PCDHA3: variants seen among roughly 807,000 people sequenced by gnomAD.
The protein encoded by PCDHA3 is protocadherin alpha-3.
PCDHA3 carries 41 observed loss-of-function variants against 62.2 expected under a neutral mutation model. That is an observed-to-expected ratio of 0.66 (90% CI 0.51 to 0.86). The LOEUF (loss-of-function observed/expected upper bound fraction) is 0.86. Ranked by LOEUF, PCDHA3 falls within the 40% of genes least tolerant of loss-of-function variation. PCDHA3 has a pLI of 0.00. For synonymous variants in PCDHA3, 640 were observed against 555.4 expected, an observed-to-expected ratio of 1.15 and a Z score of -2.14; for missense variants, 1,304 against 1,241.2, an observed-to-expected ratio of 1.05 and a Z score of -0.76.
chr5:140,875,637 G>T, intron 1 of PCDHA3: 1 of 1,613,638 alleles, frequency 6.2e-7, no homozygotes, highest in Non-Finnish European at 8.5e-7. Flanking sequence ...TGGGGCTGGA[G>T]CTGGCGGAGC....
At chr5:140,883,021 G>A in intron 1 of PCDHA3, 1 of 1,614,136 alleles carries the variant, frequency 6.2e-7, no homozygotes, top group Non-Finnish European at 8.5e-7. Flanking sequence ...AAGTGACGGT[G>A]TTAGAGAACG....
chr5:140,870,084 C>T (rs782413178), intron 1 of PCDHA3: 1 of 1,613,864 alleles, frequency 6.2e-7, no homozygotes, highest in Non-Finnish European at 8.5e-7. Context: ...AGGGGACTCC[C>T]CCAATGGCAG....
intron 1 of PCDHA3, among the ~76,000 whole-genome samples, chr5:140,893,180 C>G (rs1388898676): frequency 6.6e-6 from 1 of 152,208 alleles, no homozygotes; most frequent in Non-Finnish European, 1.5e-5. Context: ...CACATAGTAG[C>G]TATTGTGAAT....
intron 1 of PCDHA3, chr5:140,927,671 C>T (rs2084485955): frequency 6.2e-7 from 1 of 1,614,198 alleles, no homozygotes; most frequent in Non-Finnish European, 8.5e-7. Context: ...GCCTTGGATC[C>T]AGATGAAGGG....
At chr5:140,844,894 C>G (rs2150374853) in intron 1 of PCDHA3, among the ~76,000 whole-genome samples, 6 of 149,362 alleles carry the variant, frequency 4.0e-5, no homozygotes, top group African/African-American at 1.2e-4. Context: ...GTGCATATTG[C>G]TTTGGAGAGA....
intron 1 of PCDHA3, chr5:140,969,449 AG>A (rs1470034134): frequency 2.8e-5 from 43 of 1,510,842 alleles, no homozygotes; most frequent in Non-Finnish European, 3.2e-5. Flanking sequence ...TGGTAAACTG[AG>A]TATATATAGT....
At chr5:140,884,523 A>T (rs1393275293) in intron 1 of PCDHA3, 1 of 1,614,030 alleles carries the variant, frequency 6.2e-7, no homozygotes, top group Non-Finnish European at 8.5e-7. Flanking sequence ...TCGTACTCGC[A>T]GCAGAGGCGG....
chr5:140,904,857 T>G (rs1223482596), intron 1 of PCDHA3, among the ~76,000 whole-genome samples: 1 of 152,190 alleles, frequency 6.6e-6, no homozygotes, highest in Non-Finnish European at 1.5e-5. Context: ...CTGAGAATTG[T>G]CTGTTTATGT....
chr5:140,807,682 C>A (rs782331104), intron 1 of PCDHA3: 12 of 1,614,106 alleles, frequency 7.4e-6, no homozygotes, highest in South Asian at 2.2e-5. Flanking sequence ...TCGGGGAGAA[C>A]GCCCTGCTCA....
In PCDHA3 at chr5:140,829,696, G is replaced by T. The variant is rs2150172625; in HGVS notation, c.2394+26105G>T. The T allele has an allele frequency of 1.4e-5, 22 of 1,613,156 alleles. No individual in the cohort carries two copies. The South Asian group carries it at 2.1e-4, about 15-fold the overall frequency. On this transcript the variant is annotated intron_variant, in intron 1 of 3. Transcript: ENST00000522353. ...AGCTAGAGCTGCTGCAGTTTCAGGTGAGCGCGCGCGACGCGGGCGTGCCGC... is the reference window on the plus strand; with the variant it reads ...AGCTAGAGCTGCTGCAGTTTCAGGTTAGCGCGCGCGACGCGGGCGTGCCGC...
chr5:140,817,978 C>A (rs1367059541), intron 1 of PCDHA3, among the ~76,000 whole-genome samples: 3 of 152,266 alleles, frequency 2.0e-5, no homozygotes, highest in East Asian at 3.9e-4. Context: ...TTCTGTCTAG[C>A]TACTTTGTAT....
At chr5:140,979,051 G>C in intron 2 of PCDHA3, 44 bp downstream of exon 2, 1 of 1,609,534 alleles carries the variant, frequency 6.2e-7, no homozygotes, top group East Asian at 2.2e-5. Flanking sequence ...ACCTTAACTT[G>C]GTATGGCTCA....
intron 1 of PCDHA3, among the ~76,000 whole-genome samples, chr5:140,902,203 C>CTTTTTTT (rs148688132): frequency 6.4e-5 from 8 of 124,436 alleles, no homozygotes; most frequent in African/African-American, 9.3e-5. Flanking sequence ...CTCTCTCTTT[C>CTTTTTTT]TTTTTTTTTT....
Position 140,927,828 on chromosome 5 carries a change from G to A in PCDHA3, c.2395-51121G>A, listed in dbSNP as rs782244639. The A allele has an allele frequency of 7.4e-6, 12 of 1,614,074 alleles. No individual in the cohort carries two copies. The South Asian group carries it at 9.9e-5, about 13-fold the overall frequency. On this transcript the variant is annotated intron_variant, in intron 1 of 3. Coordinates refer to ENST00000522353, the MANE Select transcript of PCDHA3 (RefSeq NM_018906.3). ...CGCTCTTGGAGGCATACATTGAGGC[G>A]AGGGACGAAGGTGTCTTTGGTTTAG...
chr5:140,823,553 T>C lies in PCDHA3; in HGVS notation c.2394+19962T>C, dbSNP rs2150126826. The C allele has an allele frequency of 5.6e-6, 9 of 1,613,782 alleles. No homozygotes were observed. Among genetic ancestry groups the C allele is most frequent in the Non-Finnish European group, 6.8e-6 (8 of 1,179,888 alleles). On this transcript the variant is annotated intron_variant, in intron 1 of 3. Coordinates refer to ENST00000522353, the MANE Select transcript of PCDHA3 (RefSeq NM_018906.3). Reference sequence around the variant, plus strand: ...GGTGCGGGCCACGTGGTGGCGAAGGTGCGCGCAGTGGACCCTGATTCGGGC... The same window carrying C: ...GGTGCGGGCCACGTGGTGGCGAAGGCGCGCGCAGTGGACCCTGATTCGGGC...
rs368766260 is a variant in PCDHA3, at chr5:140,802,313, C to T, written c.1116C>T (p.Ile372=). The T allele has an allele frequency of 2.0e-5, 32 of 1,614,264 alleles. No individual in the cohort carries two copies. The African/African-American group carries it at 3.5e-4, about 17-fold the overall frequency. ...CACTTAGCACAGTCATCGCTCTGAT[C>T]AGCGTGTCCGACCGCGACTCAGGAG... is the stretch of plus-strand genomic sequence containing the variant. ...DSPLSTVIAL[I]SVSDRDSGVN... is the part of the protein sequence containing the mutation. The change falls in exon 1 of 4, where the codon ATC becomes ATT. Residue 372 remains isoleucine, a synonymous_variant. Coordinates refer to ENST00000522353, the MANE Select transcript of PCDHA3 (RefSeq NM_018906.3).
intron 1 of PCDHA3, among the ~76,000 whole-genome samples, chr5:140,931,914 A>C (rs1374173998): frequency 1.3e-5 from 2 of 151,960 alleles, no homozygotes; most frequent in Admixed American, 1.3e-4. Context: ...AAAGCATGAC[A>C]TTTAACAATG....
At chr5:140,821,800 C>A (rs2150110743) in intron 1 of PCDHA3, 25 of 1,613,116 alleles carry the variant, frequency 1.5e-5, no homozygotes, top group Non-Finnish European at 1.7e-5. Context: ...GAGAGGAAGT[C>A]TGGGATCCCG....
intron 1 of PCDHA3, among the ~76,000 whole-genome samples, chr5:140,934,797 T>G (rs1045887352): frequency 2.4e-4 from 36 of 152,236 alleles, no homozygotes; most frequent in Admixed American, 1.4e-3. Context: ...CAATTATCTT[T>G]TTAATGATCA....
Sources: allele counts gnomAD v4.1 joint callset (sites outside exome capture counted in the v4.1 genomes callset), GRCh38; gene constraint gnomAD v4.1.1; transcripts MANE v1.5; gene names NCBI Gene and HGNC (gene_info 2026-07-23, HGNC 2026-07-21).